Variants in RAP1GAP2 observed in about 807,000 individuals in gnomAD.
RAP1GAP2 encodes rap1 GTPase-activating protein 2.
A neutral mutation model predicts 95.0 loss-of-function variants in RAP1GAP2; 27 were observed. The ratio of observed to expected loss-of-function variants is 0.28; its 90% confidence interval spans 0.21 to 0.39. The LOEUF is 0.39. RAP1GAP2 is among the 10% of genes least tolerant of loss of function. The probability of loss-of-function intolerance (pLI) is 1.00; values close to 1 mark genes in which losing one functional copy is unlikely to be tolerated. For missense variants in RAP1GAP2, 771 were observed against 970.0 expected, an observed-to-expected ratio of 0.79 and a Z score of 2.72; for synonymous variants, 373 against 380.9, an observed-to-expected ratio of 0.98 and a Z score of 0.24.
chr17:2,983,370 G>T (rs2045442005), intron 10 of RAP1GAP2, among the ~76,000 whole-genome samples: 1 of 152,082 alleles, frequency 6.6e-6, no homozygotes, highest in Non-Finnish European at 1.5e-5. Flanking sequence ...GGGCTCTTTG[G>T]ACGCTAAACA....
intron 2 of RAP1GAP2, among the ~76,000 whole-genome samples, chr17:2,886,132 TTTA>T (rs1392783914): frequency 6.7e-6 from 1 of 149,524 alleles, no homozygotes; most frequent in Non-Finnish European, 1.5e-5. Flanking sequence ...TGAATATGTA[TTTA>T]TGTGTGTGTG....
Position 2,963,016 on chromosome 17 carries a change from G to C in RAP1GAP2, c.246+302G>C, listed in dbSNP as rs2044408973. 1.9e-6 allele frequency: 1 copy of C among 532,332 alleles called. No homozygotes were observed. The highest frequency in any genetic ancestry group is 3.3e-6 in the Non-Finnish European group (1 of 300,904). The allele number at this position is 532,332 out of a possible 1,614,324, so 33.0% of individuals were successfully genotyped here. A position where few individuals can be genotyped will look rare whatever the true frequency, so the allele number is the denominator to read the frequency against. ...CCCTGTGCAGTGTGTAAGGGTGTCA[G>C]GCTCTGTGCCCCGGGTTCCAGTGGG... On this transcript the variant is annotated intron_variant, in intron 5 of 24. Transcript: ENST00000254695. The surrounding 1 kb of genome is among the most constrained non-coding windows in gnomAD (Gnocchi z 4.8).
At chr17:2,913,931 C>T (rs893757357) in intron 3 of RAP1GAP2, among the ~76,000 whole-genome samples, 7 of 151,680 alleles carry the variant, frequency 4.6e-5, no homozygotes, top group Non-Finnish European at 7.4e-5. Context: ...AGAGCAGTGA[C>T]GCAATCTCTG....
rs1192321158 is a variant in RAP1GAP2, at chr17:3,004,580, G to A, written c.1201-789G>A. The stretch of plus-strand genomic sequence containing the variant: ...AGGCGGGGTGTGGGGCCCGTCCCAC[G>A]CCTGGGCGACCCCCATGCAGCGAAC... On this transcript the variant is annotated intron_variant, in intron 14 of 24. Transcript: ENST00000254695. This position sits in a 1 kb window ranked among gnomAD's most constrained non-coding sequence, Gnocchi z 4.1. Among the ~76,000 whole-genome samples, 1 of 152,234 alleles carries A rather than the reference G, an allele frequency of 6.6e-6. No individual in the cohort carries two copies. The highest frequency in any genetic ancestry group is 1.5e-5 in the Non-Finnish European group (1 of 68,044).
intron 1 of RAP1GAP2, among the ~76,000 whole-genome samples, chr17:2,756,995 G>A (rs563150488): frequency 3.4e-4 from 52 of 152,320 alleles, no homozygotes; most frequent in African/African-American, 1.2e-3. Flanking sequence ...CACATTGTCC[G>A]AAAATCCCAC....
chr17:2,808,865 G>A (rs1304787282), intron 2 of RAP1GAP2, among the ~76,000 whole-genome samples: 1 of 152,232 alleles, frequency 6.6e-6, no homozygotes, highest in Non-Finnish European at 1.5e-5. Flanking sequence ...AGGTGGACGT[G>A]AGCGCTGAGG....
At chr17:3,007,944 TCA>T in intron 16 of RAP1GAP2, 65 bp from the exon 17 acceptor site, 3 of 1,557,980 alleles carry the variant, frequency 1.9e-6, no homozygotes, top group Non-Finnish European at 2.6e-6. Context: ...TGTCTGGAGC[TCA>T]CAAGGAGCAG....
At chr17:2,778,930 C>A (rs1244370684) in intron 1 of RAP1GAP2, among the ~76,000 whole-genome samples, 1 of 152,182 alleles carries the variant, frequency 6.6e-6, no homozygotes, top group Non-Finnish European at 1.5e-5. Context: ...AAGCACTTAC[C>A]CATTAGCCCC....
In RAP1GAP2 at chr17:3,018,141, C is replaced by T; in HGVS notation, c.1575C>T (p.Gly525=). The change falls in exon 18 of 25, where the codon GGC becomes GGT. Residue 525 remains glycine, a synonymous_variant. Transcript: ENST00000254695. ...QKKSHSGGIP[G]SLSGGISHNS... ...AGTCGCACAGTGGGGGCATCCCTGG[C>T]AGCCTCAGCGGGGGCATCTCCCACA... 1 of 1,583,178 alleles carries T rather than the reference C, an allele frequency of 6.3e-7. No individual in the cohort carries two copies. Among genetic ancestry groups the T allele is most frequent in the Non-Finnish European group, 8.6e-7 (1 of 1,165,332 alleles).
rs2068294897 is a variant in RAP1GAP2 at position 2,767,352 on chromosome 17, A to T, written c.51-2977A>T. Among the ~76,000 whole-genome samples, 3 of 101,918 alleles carry T rather than the reference A, an allele frequency of 2.9e-5. No homozygotes were observed. In the South Asian group the frequency reaches 1.3e-3, roughly 43 times the overall value. The allele number at this position is 101,918 out of a possible 152,430, so 66.9% of individuals were successfully genotyped here. A position where few individuals can be genotyped will look rare whatever the true frequency, so the allele number is the denominator to read the frequency against. ...ACTCCAGCCTGGGCAACAGAGTGAG[A>T]CTCTGTTAAAAAAAAAAAAAAAAAA... On this transcript the variant is annotated intron_variant, in intron 1 of 25. Transcript: ENST00000637138.
At chr17:2,837,196 A>C (rs1317536450) in intron 2 of RAP1GAP2, among the ~76,000 whole-genome samples, 1 of 151,570 alleles carries the variant, frequency 6.6e-6, no homozygotes, top group Non-Finnish European at 1.5e-5. Flanking sequence ...GGCTGCAGTA[A>C]GCTATGATTG....
intron 1 of RAP1GAP2, among the ~76,000 whole-genome samples, chr17:2,785,039 C>T (rs1269547350): frequency 6.6e-6 from 1 of 152,184 alleles, no homozygotes; most frequent in Non-Finnish European, 1.5e-5. Context: ...GCATCATCCC[C>T]CTGCGGCATC....
chr17:3,030,933 A>G lies in RAP1GAP2; in HGVS notation c.2119A>G (p.Arg707Gly). The G allele has an allele frequency of 6.2e-7, 1 of 1,610,644 alleles. No individual in the cohort carries two copies. Among genetic ancestry groups the G allele is most frequent in the Non-Finnish European group, 8.5e-7 (1 of 1,178,542 alleles). Residue 707 changes from arginine to glycine, a missense_variant, in exon 23 of 25, where the codon AGA becomes GGA. Coordinates refer to ENST00000254695, the MANE Select transcript of RAP1GAP2 (RefSeq NM_015085.5). ...MSRSPTDAKSRNSPRSNLKFR... is the reference protein window; with the variant it reads ...MSRSPTDAKSGNSPRSNLKFR... ...GTTCTTTTTCTTAGATGCCAAAAGCAGAAACTCCCCGAGATCGAACCTGAA... is the reference window on the plus strand; with the variant it reads ...GTTCTTTTTCTTAGATGCCAAAAGCGGAAACTCCCCGAGATCGAACCTGAA...
At chr17:2,788,080 G>A (rs896576577) in intron 1 of RAP1GAP2, among the ~76,000 whole-genome samples, 1 of 152,098 alleles carries the variant, frequency 6.6e-6, no homozygotes, top group African/African-American at 2.4e-5. Context: ...CTTGTCAAGT[G>A]GTATGAGTTA....
intron 3 of RAP1GAP2, among the ~76,000 whole-genome samples, chr17:2,916,166 C>T (rs2042560346): frequency 6.6e-6 from 1 of 152,086 alleles, no homozygotes; most frequent in African/African-American, 2.4e-5. Context: ...GCTTTGGTGC[C>T]TTAGTCAAAA....
chr17:2,927,967 A>G (rs2043022467), intron 3 of RAP1GAP2, among the ~76,000 whole-genome samples: 1 of 152,198 alleles, frequency 6.6e-6, no homozygotes, highest in Non-Finnish European at 1.5e-5. Context: ...ATATGTGCCT[A>G]AGCATTTCCA....
At chr17:2,977,123 C>CA (rs71377561) in intron 8 of RAP1GAP2, among the ~76,000 whole-genome samples, 4,877 of 77,436 alleles carry the variant, frequency 0.063, 92 homozygotes, top group Non-Finnish European at 0.066. Flanking sequence ...AACTCCATCT[C>CA]AAAAAAAAAA....
At chr17:2,950,839 G>T (rs2043898852) in intron 3 of RAP1GAP2, among the ~76,000 whole-genome samples, 1 of 152,004 alleles carries the variant, frequency 6.6e-6, no homozygotes, top group African/African-American at 2.4e-5. Flanking sequence ...TTGAACTCCT[G>T]ACCTCAAGTG....
At chr17:2,862,026 C>T (rs2072417148) in intron 2 of RAP1GAP2, among the ~76,000 whole-genome samples, 1 of 152,202 alleles carries the variant, frequency 6.6e-6, no homozygotes, top group South Asian at 2.1e-4. Flanking sequence ...CTTCTCTCTC[C>T]TTTCTTTCCT....
Sources: allele counts gnomAD v4.1 joint callset (sites outside exome capture counted in the v4.1 genomes callset), GRCh38; gene constraint gnomAD v4.1.1; non-coding constraint Gnocchi (gnomAD v3.1); transcripts MANE v1.5; gene names NCBI Gene and HGNC (gene_info 2026-07-23, HGNC 2026-07-21).